APOL3: variants seen among roughly 807,000 people sequenced by gnomAD.
APOL3 encodes apolipoprotein L3.
A neutral mutation model predicts 11.6 loss-of-function variants in APOL3; 14 were observed. The ratio of observed to expected loss-of-function variants is 1.21; its 90% CI spans 0.80 to 1.89. The LOEUF (loss-of-function observed/expected upper bound fraction) is 1.89, where lower values mean the gene tolerates loss of function less well. Among genes scored for constraint, APOL3 ranks in the 40% most tolerant of loss-of-function variants. APOL3 has a pLI of 0.00. For synonymous variants in APOL3, 192 were observed against 190.6 expected (o/e 1.01, Z -0.06); for missense variants, 483 against 492.1 (o/e 0.98, Z 0.17).
upstream of APOL3, chr22:36,164,935 C>CA (rs2013820124): frequency 2.0e-5 from 3 of 152,184 alleles, no homozygotes; most frequent in South Asian, 6.2e-4. Context: ...AGCAGACTTA[C>CA]ACAGCATGGA....
intron 1 of APOL3, among the ~76,000 whole-genome samples, chr22:36,157,286 A>T (rs2013057518): frequency 6.6e-6 from 1 of 152,050 alleles, no homozygotes; most frequent in Non-Finnish European, 1.5e-5. Flanking sequence ...GCAGCAACCA[A>T]CTACTGCCAG....
chr22:36,149,356 G>A, intron 1 of APOL3: 1 of 1,306,450 alleles, frequency 7.7e-7, no homozygotes, highest in African/African-American at 1.5e-5. Flanking sequence ...TCACACCAAG[G>A]CAGGGTCCTT....
chr22:36,155,506 T>C (rs1013532973), intron 1 of APOL3, among the ~76,000 whole-genome samples: 3 of 152,200 alleles, frequency 2.0e-5, no homozygotes, highest in East Asian at 3.9e-4. Flanking sequence ...GTGAGGCCAA[T>C]AGAGGCACTA....
At chr22:36,145,980 TTCTCTCTC>T (rs71193207) in intron 1 of APOL3, among the ~76,000 whole-genome samples, 1 of 118,710 alleles carries the variant, frequency 8.4e-6, no homozygotes, top group African/African-American at 2.9e-5. Flanking sequence ...CTGTCTCTCT[TTCTCTCTC>T]TCTCTCTCTC....
At chr22:36,141,064 C>T in exon 3 of APOL3, 1 of 1,342,718 alleles carries the variant, frequency 7.4e-7, no homozygotes, top group Non-Finnish European at 1.0e-6. Flanking sequence ...CTGTGCTCAG[C>T]TACAGAAATG....
At chr22:36,161,092 C>A (rs533032037), upstream of APOL3, among the ~76,000 whole-genome samples, 38 of 152,220 alleles carry the variant, frequency 2.5e-4, no homozygotes, top group Non-Finnish European at 4.8e-4. Flanking sequence ...TCCCCAGATG[C>A]CCACCTCACT....
chr22:36,156,282 A>G (rs1471084451), intron 1 of APOL3, among the ~76,000 whole-genome samples: 1 of 152,058 alleles, frequency 6.6e-6, no homozygotes, highest in Non-Finnish European at 1.5e-5. Flanking sequence ...ATTTTTGCAG[A>G]GATGGGGTCG....
chr22:36,165,540 C>T (rs921103810), upstream of APOL3: 1 of 152,186 alleles, frequency 6.6e-6, no homozygotes, highest in Non-Finnish European at 1.5e-5. Context: ...TGGTTAGCCC[C>T]CTTTCTTGGT....
upstream of APOL3, among the ~76,000 whole-genome samples, chr22:36,161,094 C>G (rs1041270064): frequency 3.3e-4 from 50 of 152,210 alleles, no homozygotes; most frequent in Non-Finnish European, 6.6e-4. Flanking sequence ...CCCAGATGCC[C>G]ACCTCACTCC....
At chr22:36,163,117 T>C (rs910824671), upstream of APOL3, among the ~76,000 whole-genome samples, 2 of 152,208 alleles carry the variant, frequency 1.3e-5, no homozygotes, top group Admixed American at 6.5e-5. Context: ...GTAGTGGCCA[T>C]TGAAGCCCAG....
intron 1 of APOL3, among the ~76,000 whole-genome samples, chr22:36,157,329 T>C (rs2013065824): frequency 6.6e-6 from 1 of 152,200 alleles, no homozygotes; most frequent in Non-Finnish European, 1.5e-5. Flanking sequence ...ATTTCCTTCC[T>C]GCACTTGTTG....
At chr22:36,145,496 G>C in exon 2 of APOL3, 1 of 1,614,056 alleles carries the variant, frequency 6.2e-7, no homozygotes. Context: ...CCGCAGTCAC[G>C]AATCTCTTCC....
intron 1 of APOL3, among the ~76,000 whole-genome samples, chr22:36,148,009 C>CA (rs1290542527): frequency 6.6e-6 from 1 of 152,162 alleles, no homozygotes. Context: ...CAAGGTAAAC[C>CA]AAAAAACATA....
At chr22:36,144,732 G>A (rs1032488513) in intron 2 of APOL3, among the ~76,000 whole-genome samples, 8 of 152,150 alleles carry the variant, frequency 5.3e-5, no homozygotes, top group African/African-American at 1.4e-4. Context: ...ACACTTGGTC[G>A]GGCGCAGCGG....
intron 1 of APOL3, among the ~76,000 whole-genome samples, chr22:36,146,977 C>A (rs766108403): frequency 6.6e-6 from 1 of 152,044 alleles, no homozygotes; most frequent in Non-Finnish European, 1.5e-5. Context: ...ACTTGCGAGG[C>A]CTCATTCTCA....
At chr22:36,147,732 G>C (rs945995478) in intron 1 of APOL3, among the ~76,000 whole-genome samples, 15 of 152,352 alleles carry the variant, frequency 9.8e-5, no homozygotes, top group South Asian at 6.2e-4. Context: ...ACCAGGGTTG[G>C]ATGGAGGGAA....
chr22:36,141,976 C>T, exon 3 of APOL3: 1 of 1,614,222 alleles, frequency 6.2e-7, no homozygotes, highest in Non-Finnish European at 8.5e-7. Flanking sequence ...AACTGCTCAT[C>T]TTTCTGCTGC....
At chr22:36,143,113 G>A (rs2060061516) in intron 2 of APOL3, among the ~76,000 whole-genome samples, 1 of 144,126 alleles carries the variant, frequency 6.9e-6, no homozygotes. Context: ...TTGGGAGCTG[G>A]GCTCAGTCTC....
chr22:36,161,144 C>T (rs540392965), upstream of APOL3, among the ~76,000 whole-genome samples: 2 of 152,266 alleles, frequency 1.3e-5, no homozygotes, highest in South Asian at 2.1e-4. Context: ...TCACACATGC[C>T]GGGTGGACGC....
Sources: gnomAD v4.1 joint callset for allele counts (sites outside exome capture counted in the v4.1 genomes callset) on GRCh38, gnomAD v4.1.1 for gene constraint, MANE v1.5 for transcripts, NCBI Gene and HGNC (gene_info 2026-07-23, HGNC 2026-07-21) for gene names.